The following FAT3 variants were observed in gnomAD, a reference collection of about 807,000 sequenced individuals.
FAT3 encodes the protein protocadherin Fat 3.
FAT3 carries 95 observed loss-of-function variants against 310.2 expected under a neutral mutation model. That is an observed-to-expected ratio of 0.31 (90% CI 0.26 to 0.36). The LOEUF is 0.36. Among genes scored for constraint, FAT3 ranks in the 10% least tolerant of loss-of-function variants. The probability of loss-of-function intolerance (pLI) is 1.00; values close to 1 mark genes in which losing one functional copy is unlikely to be tolerated. For missense variants in FAT3, 5,408 were observed against 5,715.6 expected (o/e 0.95, Z 1.74); for synonymous variants, 2,314 against 2,192.9 (o/e 1.06, Z -1.54).
intron 1 of FAT3, among the ~76,000 whole-genome samples, chr11:92,294,627 T>C (rs954216912): frequency 2.6e-5 from 4 of 151,626 alleles, no homozygotes; most frequent in Non-Finnish European, 5.9e-5. Flanking sequence ...TATGTTGTTG[T>C]CTATTGCTAA....
chr11:92,419,367 TG>T (rs983097150), intron 2 of FAT3, among the ~76,000 whole-genome samples: 11 of 152,158 alleles, frequency 7.2e-5, no homozygotes, highest in African/African-American at 2.7e-4. Context: ...AAATGGCTTC[TG>T]GGGAACCTTG....
At chr11:92,789,791 GT>G (rs1193586028) in intron 7 of FAT3, among the ~76,000 whole-genome samples, 151 bp from the exon 8 acceptor site, 1 of 152,140 alleles carries the variant, frequency 6.6e-6, no homozygotes, top group Non-Finnish European at 1.5e-5. Flanking sequence ...ATTACAGAAT[GT>G]TTTTATTAGT....
chr11:92,685,089 T>C (rs1335768704), intron 3 of FAT3, among the ~76,000 whole-genome samples: 1 of 152,204 alleles, frequency 6.6e-6, no homozygotes, highest in East Asian at 1.9e-4. Context: ...ACCTCTCTTT[T>C]CCTTTTTTAA....
intron 22 of FAT3, among the ~76,000 whole-genome samples, chr11:92,871,664 A>G (rs1949396677): frequency 6.6e-6 from 1 of 152,228 alleles, no homozygotes; most frequent in Admixed American, 6.5e-5. Context: ...ACTTTCTGCT[A>G]GGTCACTGAA....
chr11:92,739,845 C>T (rs1945454226), intron 4 of FAT3, among the ~76,000 whole-genome samples: 1 of 152,182 alleles, frequency 6.6e-6, no homozygotes, highest in Admixed American at 6.5e-5. Flanking sequence ...ACAGCTTTGG[C>T]TCCCCACTAA....
At chr11:92,261,475 T>C (rs1565186286) in intron 1 of FAT3, among the ~76,000 whole-genome samples, 1 of 152,144 alleles carries the variant, frequency 6.6e-6, no homozygotes, top group East Asian at 1.9e-4. Context: ...TAGGGTAAGA[T>C]ATTTTAGGAA....
intron 3 of FAT3, among the ~76,000 whole-genome samples, chr11:92,644,235 C>A (rs1003735576): frequency 6.6e-6 from 1 of 152,208 alleles, no homozygotes; most frequent in Non-Finnish European, 1.5e-5. Context: ...GTGCCAAGTA[C>A]CCTGCTCAGT....
intron 4 of FAT3, among the ~76,000 whole-genome samples, chr11:92,702,409 G>A (rs1484278663): frequency 6.6e-6 from 1 of 152,200 alleles, no homozygotes; most frequent in Non-Finnish European, 1.5e-5. Flanking sequence ...GGCATGCTCG[G>A]CTTCTTTTCG....
At chr11:92,437,787 A>G (rs1013819601) in intron 2 of FAT3, among the ~76,000 whole-genome samples, 1 of 152,180 alleles carries the variant, frequency 6.6e-6, no homozygotes, top group South Asian at 2.1e-4. Flanking sequence ...CTCAAAAAGC[A>G]GTTGAAATTT....
Position 92,867,175 on chromosome 11 carries a change from G to T in FAT3, c.12093G>T (p.Gln4031His). The change falls in exon 22 of 28, where the codon CAG becomes CAT. Residue 4031 changes from glutamine to histidine, a missense_variant. Gln to His is a conservative substitution (Grantham distance 24, BLOSUM62 0). This residue lies in a region of FAT3 where 4,588 missense variants were observed against 4,809.8 expected (regional missense o/e 0.95). Transcript: ENST00000525166. ...ACGCCTGCAAGCGCAGCCCGTGCCA[G>T]CACGGGGGCAGCTGCACTGGCCTGC... ...YPDACKRSPC[Q>H]HGGSCTGLPS... The T allele has an allele frequency of 1.3e-6, 2 of 1,590,112 alleles. No homozygotes were observed. The highest frequency in any genetic ancestry group is 2.3e-5 in the South Asian group (2 of 87,892).
At chr11:92,634,217 G>A (rs998596208) in intron 3 of FAT3, among the ~76,000 whole-genome samples, 1 of 152,184 alleles carries the variant, frequency 6.6e-6, no homozygotes, top group Non-Finnish European at 1.5e-5. Flanking sequence ...CTGTGTTGAG[G>A]TTCTGACCTA....
chr11:92,256,375 T>G (rs954890623), intron 1 of FAT3, among the ~76,000 whole-genome samples: 6 of 151,972 alleles, frequency 3.9e-5, no homozygotes, highest in Non-Finnish European at 7.4e-5. Flanking sequence ...GTTTAGGAAT[T>G]TCCAGTGATC....
Position 92,894,256 on chromosome 11 carries a change from T to C in FAT3, c.*3143T>C, listed in dbSNP as rs1425143636. The C allele has an allele frequency of 1.3e-5, 2 of 152,362 alleles. No individual in the cohort carries two copies. The highest frequency in any genetic ancestry group is 3.9e-4 in the East Asian group (2 of 5,186). 9.4% of individuals were successfully genotyped at this position (152,362 alleles called of 1,614,324 possible). A position where few individuals can be genotyped will look rare whatever the true frequency, so the allele number is the denominator to read the frequency against. On this transcript the variant is annotated 3_prime_UTR_variant, in exon 28 of 28. Transcript: ENST00000525166. ...CGAAATGCTGCTTTTGCCAAATGAA[T>C]GTTTGTATAATAGGGATGAAATGAT... is the stretch of plus-strand genomic sequence containing the variant.
rs143291607 is a variant in FAT3 at position 92,540,588 on chromosome 11, A to C, written c.3607+15640A>C. 7.2e-5 allele frequency among the ~76,000 whole-genome samples: 11 copies of C among 152,290 alleles called. No individual in the cohort carries two copies. The East Asian group carries it at 2.1e-3, about 29-fold the overall frequency. Reference sequence around the variant, plus strand: ...AATTACGAATGTTTCACTATTGACCATGACAGATCTCTTGGATTTCAGTAA... The same window carrying C: ...AATTACGAATGTTTCACTATTGACCCTGACAGATCTCTTGGATTTCAGTAA... On this transcript the variant is annotated intron_variant, in intron 3 of 27. Transcript: ENST00000525166.
At chr11:92,758,117 G>A (rs1453546262) in intron 4 of FAT3, among the ~76,000 whole-genome samples, 3 of 152,132 alleles carry the variant, frequency 2.0e-5, no homozygotes, top group Non-Finnish European at 4.4e-5. Flanking sequence ...ATAGGGAAGA[G>A]TTGTAGGTAA....
chr11:92,340,111 CAAAAAAAAAA>C (rs56378818), intron 1 of FAT3, among the ~76,000 whole-genome samples: 2 of 49,152 alleles, frequency 4.1e-5, no homozygotes, highest in Non-Finnish European at 7.8e-5. Flanking sequence ...GACTCCATCT[CAAAAAAAAAA>C]AAAAAAAAAA....
intron 8 of FAT3, among the ~76,000 whole-genome samples, chr11:92,790,489 G>C (rs1370300357): frequency 6.6e-6 from 1 of 152,188 alleles, no homozygotes; most frequent in Non-Finnish European, 1.5e-5. Flanking sequence ...TGACTTGAGA[G>C]GGAAGGAACA....
chr11:92,867,391 T>C (rs1384448904), intron 22 of FAT3, among the ~76,000 whole-genome samples, 182 bp downstream of exon 22: 1 of 152,084 alleles, frequency 6.6e-6, no homozygotes, highest in African/African-American at 2.4e-5. Context: ...ATTACAGGAG[T>C]GTCCAGTTTT....
At position 92,802,027 on chromosome 11, in the gene FAT3, C is replaced by T; in HGVS notation, c.8896+118C>T. The T allele has an allele frequency of 3.1e-6, 3 of 968,006 alleles. 1 individual carries two copies. In the South Asian group the frequency reaches 5.2e-5, roughly 17 times the overall value. The allele number at this position is 968,006 out of a possible 1,614,324, so 60.0% of individuals were successfully genotyped here. A position where few individuals can be genotyped will look rare whatever the true frequency, so the allele number is the denominator to read the frequency against. ...GATAAGGAGTCCAGTGTAATGAAGCCTCTCTGGAGCTGAGTAAAGGATCTC... is the reference window on the plus strand; with the variant it reads ...GATAAGGAGTCCAGTGTAATGAAGCTTCTCTGGAGCTGAGTAAAGGATCTC... On this transcript the variant is annotated intron_variant, in intron 10 of 27. Coordinates refer to ENST00000525166, the MANE Select transcript of FAT3 (RefSeq NM_001367949.2).
Sources: allele counts gnomAD v4.1 joint callset (sites outside exome capture counted in the v4.1 genomes callset), GRCh38; gene constraint gnomAD v4.1.1; regional missense constraint gnomAD v4.1.1; transcripts MANE v1.5; gene names NCBI Gene and HGNC (gene_info 2026-07-23, HGNC 2026-07-21).